The following FBRSL1 variants were observed in gnomAD, a reference collection of about 807,000 sequenced individuals.
The protein encoded by FBRSL1 is fibrosin-1-like protein.
FBRSL1 carries 51 observed loss-of-function variants against 89.6 expected under a neutral mutation model. That is an observed-to-expected ratio of 0.57 (90% CI 0.45 to 0.72). The LOEUF (loss-of-function observed/expected upper bound fraction) is 0.72. FBRSL1 is among the 30% of genes least tolerant of loss of function. The pLI is 0.00. For synonymous variants in FBRSL1, 779 were observed against 681.1 expected, an observed-to-expected ratio of 1.14 and a Z score of -2.24; for missense variants, 1,618 against 1,451.8, an observed-to-expected ratio of 1.11 and a Z score of -1.86.
At chr12:132,507,338 G>GT in intron 1 of FBRSL1, 1 of 985,472 alleles carries the variant, frequency 1.0e-6, no homozygotes, top group Non-Finnish European at 1.2e-6. Context: ...TTGACGCGCC[G>GT]TATCTGTCTG....
At chr12:132,571,029 T>G in intron 8 of FBRSL1, 39 bp from the exon 9 acceptor site, 1 of 1,274,224 alleles carries the variant, frequency 7.8e-7, no homozygotes, top group Non-Finnish European at 9.9e-7. Flanking sequence ...GGACCCTGGC[T>G]CCCGGGGAGG....
chr12:132,569,470 G>C (rs142330539), intron 6 of FBRSL1, among the ~76,000 whole-genome samples: 35 of 152,260 alleles, frequency 2.3e-4, no homozygotes, highest in Non-Finnish European at 4.0e-4. Context: ...CCATGCCCTG[G>C]GCTGAGGGCA....
intron 5 of FBRSL1, among the ~76,000 whole-genome samples, chr12:132,563,772 CACATACCT>C (rs1351309705): frequency 3.4e-4 from 28 of 81,674 alleles, no homozygotes; most frequent in African/African-American, 1.7e-3. Flanking sequence ...CTCCGGCTGA[CACATACCT>C]ACGACTGTAC....
At chr12:132,568,142 C>T (rs573660178) in intron 6 of FBRSL1, among the ~76,000 whole-genome samples, 24 of 152,338 alleles carry the variant, frequency 1.6e-4, no homozygotes, top group African/African-American at 4.1e-4. Context: ...ATAGCCCCAG[C>T]GTCTTCTTAG....
chr12:132,571,598 A>C, intron 9 of FBRSL1: 8 of 998,536 alleles, frequency 8.0e-6, no homozygotes, highest in African/African-American at 1.8e-5. Flanking sequence ...ACACACAGAC[A>C]CACGCTCGCA....
intron 4 of FBRSL1, among the ~76,000 whole-genome samples, chr12:132,536,492 G>C (rs1474482204): frequency 6.6e-6 from 1 of 150,954 alleles, no homozygotes; most frequent in African/African-American, 2.4e-5. Flanking sequence ...GTACATGAAG[G>C]TGTGTCGTGT....
chr12:132,535,296 C>T (rs771100023), intron 4 of FBRSL1, among the ~76,000 whole-genome samples: 14 of 152,240 alleles, frequency 9.2e-5, no homozygotes, highest in Non-Finnish European at 1.6e-4. Context: ...TTTATTCATT[C>T]CCTGACACAG....
At chr12:132,579,699 T>C (rs1187025844) in intron 15 of FBRSL1, among the ~76,000 whole-genome samples, 2 of 152,216 alleles carry the variant, frequency 1.3e-5, no homozygotes, top group African/African-American at 4.8e-5. Context: ...GGCCTTTACT[T>C]TCCTGTGCTG....
At position 132,527,039 on chromosome 12, in the gene FBRSL1, C is replaced by T. The variant is rs566278190; in HGVS notation, c.580-914C>T. Among the ~76,000 whole-genome samples the T allele has an allele frequency of 1.1e-3, 174 of 152,286 alleles. 1 individual carries two copies. Among genetic ancestry groups the T allele is most frequent in the African/African-American group, 4.0e-3 (166 of 41,556 alleles). On this transcript the variant is annotated intron_variant, in intron 3 of 18. Transcript: ENST00000680143. Reference sequence around the variant, plus strand: ...AGGTGTGGGGGGCCCCTAGCTGCCCCTGCAGACCAGAGTGTGCCCTGATGT... The same window carrying T: ...AGGTGTGGGGGGCCCCTAGCTGCCCTTGCAGACCAGAGTGTGCCCTGATGT...
At chr12:132,536,623 TTGTACATGATGGTGTGAGTGCACG>T (rs1360245612) in intron 4 of FBRSL1, among the ~76,000 whole-genome samples, 1 of 149,174 alleles carries the variant, frequency 6.7e-6, no homozygotes, top group Admixed American at 6.7e-5. Flanking sequence ...TGTGAGTGCA[TTGTACATGATGGTGTGAGTGCACG>T]TGTACATGAC....
intron 2 of FBRSL1, among the ~76,000 whole-genome samples, chr12:132,512,424 G>A (rs1185338631): frequency 6.6e-6 from 1 of 152,264 alleles, no homozygotes; most frequent in East Asian, 1.9e-4. Flanking sequence ...AGTCCTGGCT[G>A]CAGCGCCCTG....
At chr12:132,498,384 G>A (rs909869383) in intron 1 of FBRSL1, among the ~76,000 whole-genome samples, 1 of 152,186 alleles carries the variant, frequency 6.6e-6, no homozygotes, top group Non-Finnish European at 1.5e-5. Context: ...GACACCTTCT[G>A]GCCAATCCCG....
rs557601840 is a variant in FBRSL1 at position 132,536,647 on chromosome 12, G to A, written c.615+8659G>A. Reference sequence around the variant, plus strand: ...ATTGTACATGATGGTGTGAGTGCACGTGTACATGACCTCATGCCATGTGTA... The same window carrying A: ...ATTGTACATGATGGTGTGAGTGCACATGTACATGACCTCATGCCATGTGTA... On this transcript the variant is annotated intron_variant, in intron 4 of 18. Transcript: ENST00000680143. 1.4e-3 allele frequency among the ~76,000 whole-genome samples: 216 copies of A among 150,992 alleles called. 1 individual carries two copies. The highest frequency in any genetic ancestry group is 5.1e-3 in the African/African-American group (209 of 41,100).
Position 132,581,503 on chromosome 12 carries a change from T to C in FBRSL1, c.1899T>C (p.Thr633=). ...CCCATCCTGGCAGCTTCCTGCCCAC[T>C]GGCCCCCTGACAGGTGGGTGTCTCT... ...PSAHPGSFLP[T]GPLTDPFSRP... is the part of the protein sequence containing the mutation. The change falls in exon 16 of 19, where the codon ACT becomes ACC. Residue 633 remains threonine (T), a synonymous_variant. Coordinates refer to ENST00000680143, the MANE Select transcript of FBRSL1 (RefSeq NM_001367871.1). The C allele has an allele frequency of 1.3e-6, 2 of 1,551,014 alleles. No homozygotes were observed. Among genetic ancestry groups the C allele is most frequent in the Non-Finnish European group, 1.7e-6 (2 of 1,146,888 alleles).
At chr12:132,514,414 A>G (rs2034645661) in intron 2 of FBRSL1, among the ~76,000 whole-genome samples, 1 of 152,232 alleles carries the variant, frequency 6.6e-6, no homozygotes, top group Non-Finnish European at 1.5e-5. Context: ...GGACCGCAGT[A>G]CCAGACTGAG....
chr12:132,582,404 TCCCCTTC>T (rs1417883979), intron 18 of FBRSL1, 138 bp downstream of exon 18: 3 of 598,490 alleles, frequency 5.0e-6, no homozygotes, highest in Non-Finnish European at 8.9e-6. Context: ...CTCCCCCTGT[TCCCCTTC>T]CCCGTTCCCC....
At chr12:132,572,445 C>T in intron 10 of FBRSL1, 82 bp from the exon 11 acceptor site, 1 of 1,498,406 alleles carries the variant, frequency 6.7e-7, no homozygotes, top group Non-Finnish European at 9.1e-7. Context: ...GCCCCTGCTG[C>T]ATTGGTGCCA....
chr12:132,573,986 C>A (rs942354587), intron 11 of FBRSL1, 104 bp from the exon 12 acceptor site: 6 of 749,928 alleles, frequency 8.0e-6, no homozygotes, highest in Non-Finnish European at 8.5e-6. Flanking sequence ...GGCCCCACGG[C>A]AAGGCAAAGC....
chr12:132,510,071 A>T lies in FBRSL1; in HGVS notation c.489+1721A>T, dbSNP rs1360259063. ...TCACGCCTTCACTCCTGGGCCCGGG[A>T]CGGCCGAGGCAGCAGAAGCAGCCGC... On this transcript the variant is annotated intron_variant, in intron 2 of 18. Coordinates refer to ENST00000680143, the MANE Select transcript of FBRSL1 (RefSeq NM_001367871.1). 3 of 1,230,224 alleles carry T rather than the reference A, an allele frequency of 2.4e-6. No homozygotes were observed. In the African/African-American group the frequency reaches 4.7e-5, roughly 19 times the overall value. 76.2% of individuals were successfully genotyped at this position (1,230,224 alleles called of 1,614,324 possible). A position where few individuals can be genotyped will look rare whatever the true frequency, so the allele number is the denominator to read the frequency against.
Sources: allele counts gnomAD v4.1 joint callset (sites outside exome capture counted in the v4.1 genomes callset), GRCh38; gene constraint gnomAD v4.1.1; transcripts MANE v1.5; gene names NCBI Gene and HGNC (gene_info 2026-07-23, HGNC 2026-07-21).